The following CXorf38 variants were observed in gnomAD, a reference collection of about 807,000 sequenced individuals.
The protein encoded by CXorf38 is uncharacterized protein CXorf38.
CXorf38 carries 13 observed loss-of-function variants against 27.5 expected under a neutral mutation model. The observed-to-expected ratio is 0.47, with a 90% CI of 0.31 to 0.75. CXorf38 has a LOEUF of 0.75. Among genes scored for constraint, CXorf38 ranks in the 30% least tolerant of loss-of-function variants. The pLI, the probability that CXorf38 is intolerant of heterozygous loss-of-function variation, is 0.05. For synonymous variants in CXorf38, 100 were observed against 99.8 expected (o/e 1.00, Z -0.01); for missense variants, 240 against 253.2 (o/e 0.95, Z 0.35).
chrX:40,631,250 T>TACACAC (rs1462657519), intron 5 of CXorf38, among the ~76,000 whole-genome samples: 5 of 37,277 alleles, frequency 1.3e-4, no homozygotes, highest in African/African-American at 3.0e-4. Flanking sequence ...TATGTATATA[T>TACACAC]ATATACACAC....
chrX:40,639,047 A>G lies in CXorf38; in HGVS notation c.433T>C (p.Cys145Arg). ...TTTCGATCAACCACGAAGTGATCGC[A>G]GGAGTTGATGAGACTTAAAAGAGCA... ...AVALLSLINS[C>R]DHFVVDRKKV... Residue 145 changes from cysteine (C) to arginine (R), a missense_variant, in exon 3 of 7, where the codon TGC becomes CGC. Cys to Arg is a radical substitution (Grantham distance 180, BLOSUM62 -3). Coordinates refer to ENST00000327877, the MANE Select transcript of CXorf38 (RefSeq NM_144970.3). 8.3e-7 allele frequency: 1 copy of G among 1,211,103 alleles called. No homozygotes were observed.
chrX:40,647,429 C>T lies in CXorf38; in HGVS notation c.92G>A (p.Cys31Tyr). The T allele has an allele frequency of 8.4e-7, 1 of 1,193,600 alleles. No homozygotes were observed. The change falls in exon 1 of 7, where the codon TGC becomes TAC. Residue 31 changes from cysteine (C) to tyrosine (Y), a missense_variant. Coordinates refer to ENST00000327877, the MANE Select transcript of CXorf38 (RefSeq NM_144970.3). The part of the protein sequence containing the change: ...AGHCLLLLRS[C>Y]LQGFVGREVL... ...CTCGCGGCCGACGAAACCCTGCAGG[C>T]AGCTGCGCAGCAGTAACAGGCAGTG...
At chrX:40,641,581 G>A (rs953411342) in intron 2 of CXorf38, among the ~76,000 whole-genome samples, 1 of 111,533 alleles carries the variant, frequency 9.0e-6, no homozygotes, top group Non-Finnish European at 1.9e-5. Flanking sequence ...TTGTAGACAT[G>A]GGGTTTCGCC....
Position 40,647,106 on chromosome X carries a change from T to C in CXorf38, c.252A>G (p.Lys84=). The change falls in exon 2 of 7, where the codon AAA becomes AAG. Residue 84 remains lysine (K), a synonymous_variant. Transcript: ENST00000327877. ...TGACATGATGTCTCAAAATCTCCCT[T>C]TTCCATTCAGCGCACACCTGACACT... ...QPQCQVCAEW[K]REILRHHVNR... The C allele has an allele frequency of 8.3e-7, 1 of 1,212,036 alleles. No homozygotes were observed.
Position 40,639,079 on chromosome X carries a change from T to A in CXorf38, c.401A>T (p.Asp134Val). The A allele has an allele frequency of 1.7e-6, 2 of 1,210,679 alleles. No homozygotes were observed. Among genetic ancestry groups the A allele is most frequent in the Middle Eastern group, 2.3e-4 (1 of 4,354 alleles). The change falls in exon 3 of 7, where the codon GAT becomes GTT. Residue 134 changes from aspartate (D) to valine (V), a missense_variant. Transcript: ENST00000327877. ...GATGAGACTTAAAAGAGCAACTGCA[T>A]CACATTCCTCAGGTCCTTGTTTGTC... ...LADKQGPEEC[D>V]AVALLSLINS...
intron 5 of CXorf38, among the ~76,000 whole-genome samples, chrX:40,632,386 C>G (rs1425070720): frequency 8.9e-6 from 1 of 112,225 alleles, no homozygotes; most frequent in African/African-American, 3.2e-5. Flanking sequence ...TTCTTTTGCT[C>G]ATGGTTTCAG....
At chrX:40,635,200 A>G (rs1437970288) in intron 5 of CXorf38, among the ~76,000 whole-genome samples, 3 of 113,294 alleles carry the variant, frequency 2.6e-5, no homozygotes, top group African/African-American at 9.6e-5. Context: ...ATAAAGACAG[A>G]GGAACTCAAA....
At position 40,627,249 on chromosome X, in the gene CXorf38, G is replaced by T. The variant is rs1136363; in HGVS notation, c.*2915C>A. 0.067 allele frequency: 7,194 copies of T among 108,130 alleles called. 264 individuals are homozygous for T. Among genetic ancestry groups the T allele is most frequent in the East Asian group, 0.12 (406 of 3,380 alleles). The allele number at this position is 108,130 out of a possible 1,213,427, so 8.9% of individuals were successfully genotyped here. ...TCTGTCACCCAGGCTGGAATGCAGT[G>T]GTGTGATCTCGGCTCACTGCAACCT... On this transcript the variant is annotated 3_prime_UTR_variant, in exon 7 of 7. Coordinates refer to ENST00000327877, the MANE Select transcript of CXorf38 (RefSeq NM_144970.3).
chrX:40,645,228 T>A (rs935018933), intron 2 of CXorf38, among the ~76,000 whole-genome samples: 2 of 111,194 alleles, frequency 1.8e-5, no homozygotes, highest in African/African-American at 6.6e-5. Context: ...ACTGAGACTT[T>A]CTGTGCCAAG....
Position 40,647,150 on chromosome X carries a change from G to A in CXorf38, c.217-9C>T. On this transcript the variant is annotated splice_polypyrimidine_tract_variant and intron_variant, in intron 1 of 6. Coordinates refer to ENST00000327877, the MANE Select transcript of CXorf38 (RefSeq NM_144970.3). ...TGACACTGAGGCTGAAACTACAGGG[G>A]GCGGCGGTGAGGAGGGGCCCAGGAG... 8.3e-7 allele frequency: 1 copy of A among 1,211,371 alleles called. No homozygotes were observed. Among genetic ancestry groups the A allele is most frequent in the Non-Finnish European group, 1.1e-6 (1 of 895,076 alleles).
chrX:40,636,828 G>T, intron 4 of CXorf38, 116 bp from the exon 5 acceptor site: 1 of 806,657 alleles, frequency 1.2e-6, no homozygotes, highest in African/African-American at 2.1e-5. Context: ...ATAGTGCACT[G>T]TGACCACAGA....
chrX:40,640,427 C>T, intron 2 of CXorf38: 1 of 208,248 alleles, frequency 4.8e-6, no homozygotes, highest in Non-Finnish European at 8.9e-6. Context: ...ACTACAATGC[C>T]TCCTACAGGG....
Position 40,636,587 on chromosome X carries a change from C to A in CXorf38, c.747G>T (p.Glu249Asp), listed in dbSNP as rs368399956. 1.1e-5 allele frequency: 13 copies of A among 1,202,461 alleles called. No homozygotes were observed. In the African/African-American group the frequency reaches 2.3e-4, roughly 21 times the overall value. ...CTTGAAGATATATCTCTTGAAGTTT[C>A]TCCTTTAGTAACTGCATTTCTATTT... ...VNEIEMQLLK[E>D]KLQEIYLQAE... The change falls in exon 5 of 7, where the codon GAG becomes GAT. Residue 249 changes from glutamate (E) to aspartate (D), a missense_variant. Glu to Asp is a conservative substitution (Grantham distance 45, BLOSUM62 2). Coordinates refer to ENST00000327877, the MANE Select transcript of CXorf38 (RefSeq NM_144970.3).
rs1287233662 is a variant in CXorf38 at position 40,647,555 on chromosome X, G to T, written c.-35C>A. ...TTGGAACCAGGAGGTTGCGGGGCGTGGCGGACGGCAGTGCGCAGGCGCGGA... is the reference window on the plus strand; with the variant it reads ...TTGGAACCAGGAGGTTGCGGGGCGTTGCGGACGGCAGTGCGCAGGCGCGGA... On this transcript the variant is annotated 5_prime_UTR_variant, in exon 1 of 7. Transcript: ENST00000327877. 2 of 1,170,037 alleles carry T rather than the reference G, an allele frequency of 1.7e-6. No homozygotes were observed. Among genetic ancestry groups the T allele is most frequent in the Non-Finnish European group, 2.3e-6 (2 of 881,793 alleles).
At position 40,629,251 on chromosome X, in the gene CXorf38, A is replaced by G. The variant is rs1276964114; in HGVS notation, c.*913T>C. On this transcript the variant is annotated 3_prime_UTR_variant, in exon 7 of 7. Coordinates refer to ENST00000327877, the MANE Select transcript of CXorf38 (RefSeq NM_144970.3). ...GGTTGGTCTCAAACTCCTGGGCTCA[A>G]GTGATCCGCCCACAGTGCTGGGATT... 1 of 111,424 alleles carries G rather than the reference A, an allele frequency of 9.0e-6. No individual in the cohort carries two copies. The highest frequency in any genetic ancestry group is 2.8e-4 in the East Asian group (1 of 3,539). 9.2% of individuals were successfully genotyped at this position (111,424 alleles called of 1,213,427 possible).
Position 40,647,156 on chromosome X carries a change from G to A in CXorf38, c.217-15C>T, listed in dbSNP as rs926300585. 1 of 1,210,602 alleles carries A rather than the reference G, an allele frequency of 8.3e-7. No individual in the cohort carries two copies. The highest frequency in any genetic ancestry group is 1.1e-6 in the Non-Finnish European group (1 of 894,651). On this transcript the variant is annotated splice_polypyrimidine_tract_variant and intron_variant, in intron 1 of 6. Transcript: ENST00000327877. ...TGAGGCTGAAACTACAGGGGGCGGC[G>A]GTGAGGAGGGGCCCAGGAGGGAGGG...
chrX:40,643,981 A>C (rs1928463089), intron 2 of CXorf38, among the ~76,000 whole-genome samples: 1 of 112,589 alleles, frequency 8.9e-6, no homozygotes, highest in African/African-American at 3.2e-5. Flanking sequence ...GCAAAACAAT[A>C]TCCCATTGTA....
intron 2 of CXorf38, among the ~76,000 whole-genome samples, chrX:40,642,100 G>A (rs958995395): frequency 9.0e-5 from 10 of 111,140 alleles, no homozygotes; most frequent in African/African-American, 2.3e-4. Context: ...GGTAGGAGAG[G>A]GTGAGAGTTG....
intron 5 of CXorf38, among the ~76,000 whole-genome samples, chrX:40,634,105 G>A (rs1228931177): frequency 5.4e-5 from 6 of 112,091 alleles, no homozygotes; most frequent in Admixed American, 9.4e-5. Context: ...GTCACCAAAC[G>A]AATAGAAAAT....
Sources: allele counts gnomAD v4.1 joint callset (sites outside exome capture counted in the v4.1 genomes callset), GRCh38; gene constraint gnomAD v4.1.1; transcripts MANE v1.5; gene names NCBI Gene and HGNC (gene_info 2026-07-23, HGNC 2026-07-21).